The following TTC28 variants were observed in gnomAD, a reference collection of about 807,000 sequenced individuals.
TTC28 encodes tetratricopeptide repeat domain 28.
A neutral mutation model predicts 198.0 loss-of-function variants in TTC28; 61 were observed. The observed-to-expected ratio is 0.31, with a 90% confidence interval of 0.25 to 0.38. The LOEUF is 0.38. Ranked by LOEUF, TTC28 falls within the 10% of genes least tolerant of loss-of-function variation. TTC28 has a pLI of 1.00. For missense variants in TTC28, 2,678 were observed against 3,164.0 expected, an observed-to-expected ratio of 0.85 and a Z score of 3.69; for synonymous variants, 1,171 against 1,297.8, an observed-to-expected ratio of 0.90 and a Z score of 2.10.
At chr22:28,455,765 T>C (rs2047850419) in intron 2 of TTC28, among the ~76,000 whole-genome samples, 1 of 151,846 alleles carries the variant, frequency 6.6e-6, no homozygotes, top group African/African-American at 2.4e-5. Context: ...TTCATTGGGT[T>C]GATGAATTTG....
intron 2 of TTC28, among the ~76,000 whole-genome samples, chr22:28,504,978 G>A (rs1425188560): frequency 2.6e-5 from 4 of 151,786 alleles, no homozygotes; most frequent in Non-Finnish European, 4.4e-5. Context: ...ACTTTAGGCC[G>A]GGTGCCGTGA....
intron 6 of TTC28, among the ~76,000 whole-genome samples, chr22:28,117,006 C>G (rs1942651495): frequency 6.6e-6 from 1 of 152,190 alleles, no homozygotes; most frequent in Admixed American, 6.5e-5. Context: ...TCCCTGCTAT[C>G]TGGATCTCTT....
At chr22:28,209,508 G>A (rs1316081068) in intron 5 of TTC28, among the ~76,000 whole-genome samples, 1 of 152,204 alleles carries the variant, frequency 6.6e-6, no homozygotes, top group Non-Finnish European at 1.5e-5. Context: ...CTGGATCAGA[G>A]GGTCCCACGC....
At chr22:28,330,893 T>C (rs761699004) in intron 2 of TTC28, among the ~76,000 whole-genome samples, 1 of 152,218 alleles carries the variant, frequency 6.6e-6, no homozygotes, top group Non-Finnish European at 1.5e-5. Flanking sequence ...CTTCCCCAGC[T>C]TACAAAGGAA....
In TTC28 at chr22:28,011,604, A is replaced by G. The variant is rs541358172; in HGVS notation, c.4218+2644T>C. Among the ~76,000 whole-genome samples the G allele has an allele frequency of 7.2e-5, 11 of 152,222 alleles. 1 individual carries two copies. The South Asian group carries it at 1.7e-3, about 23-fold the overall frequency. On this transcript the variant is annotated intron_variant, in intron 14 of 22. Coordinates refer to ENST00000397906, the MANE Select transcript of TTC28 (RefSeq NM_001145418.2). The stretch of plus-strand genomic sequence containing the variant: ...GAGCAAGACTCTGTCTTAAAAATAT[A>G]TATGTATTTTTTCAATCCATGGTTG...
At chr22:28,007,955 A>G (rs941362439) in intron 14 of TTC28, 1 of 144,888 alleles carries the variant, frequency 6.9e-6, no homozygotes, top group Non-Finnish European at 1.6e-5. Context: ...TCATTTGAAT[A>G]TCACTACAGA....
chr22:28,197,521 T>TAC (rs1925495963), intron 5 of TTC28, among the ~76,000 whole-genome samples: 1 of 152,058 alleles, frequency 6.6e-6, no homozygotes, highest in Non-Finnish European at 1.5e-5. Context: ...TGTAAGTGAT[T>TAC]ACTTCATCTC....
At chr22:28,609,606 A>T (rs2050786169) in intron 2 of TTC28, among the ~76,000 whole-genome samples, 2 of 152,116 alleles carry the variant, frequency 1.3e-5, no homozygotes, top group Admixed American at 1.3e-4. Context: ...TCCGATGCCT[A>T]TGCCACCAGG....
chr22:28,597,138 ATTAG>A (rs2050555352), intron 2 of TTC28, among the ~76,000 whole-genome samples: 1 of 152,172 alleles, frequency 6.6e-6, no homozygotes, highest in South Asian at 2.1e-4. Flanking sequence ...CATTTGTTGT[ATTAG>A]TTTGTGCATT....
chr22:27,983,708 A>T lies in TTC28; in HGVS notation c.5959T>A (p.Ser1987Thr). ...AGACTGTACACAGAGATGGCATCTG[A>T]GGCGATGCTGTCCGCACCGGTGGGA... ...FSPTGADSIA[S>T]DAISVYSLSS... The change falls in exon 23 of 23, where the codon TCA (serine) becomes ACA (threonine). Residue 1987 changes from serine to threonine, a missense_variant. Ser to Thr is a moderately conservative substitution (Grantham distance 58). This residue lies in a region of TTC28 where 622 missense variants were observed against 656.0 expected (regional missense o/e 0.95). Transcript: ENST00000397906. 6.4e-7 allele frequency: 1 copy of T among 1,550,938 alleles called. No homozygotes were observed. The highest frequency in any genetic ancestry group is 8.7e-7 in the Non-Finnish European group (1 of 1,146,702).
intron 5 of TTC28, among the ~76,000 whole-genome samples, chr22:28,243,417 T>C (rs1929834627): frequency 6.7e-6 from 1 of 150,112 alleles, no homozygotes; most frequent in Non-Finnish European, 1.5e-5. Flanking sequence ...GGCTCTTTTT[T>C]TTCCCTTTTT....
At chr22:28,506,946 A>G (rs1051028351) in intron 2 of TTC28, among the ~76,000 whole-genome samples, 2 of 152,248 alleles carry the variant, frequency 1.3e-5, no homozygotes, top group African/African-American at 4.8e-5. Flanking sequence ...AAACCCACAA[A>G]GATGAGAAAG....
At chr22:28,218,521 A>G (rs559627504) in intron 5 of TTC28, among the ~76,000 whole-genome samples, 2 of 152,064 alleles carry the variant, frequency 1.3e-5, no homozygotes, top group African/African-American at 4.8e-5. Context: ...AATTTCTCCA[A>G]ATATTAAGTC....
At chr22:28,610,970 TCA>T (rs1485660314) in intron 2 of TTC28, among the ~76,000 whole-genome samples, 1 of 151,422 alleles carries the variant, frequency 6.6e-6, no homozygotes, top group Non-Finnish European at 1.5e-5. Flanking sequence ...AGAAAAAATA[TCA>T]GAGATGGAAG....
Position 27,983,517 on chromosome 22 carries a change from G to T in TTC28, c.6150C>A (p.Asn2050Lys), listed in dbSNP as rs750841575. ...ACCCTTCATATTCTTCTTCATCTTT[G>T]TTGCCTGCAGGGCGGGTCTGGGGAG... The part of the protein sequence containing the change: ...QLPPQTRPAG[N>K]KDEEEYEGFS... The change falls in exon 23 of 23, where the codon AAC (asparagine) becomes AAA (lysine). Residue 2050 changes from asparagine (N) to lysine (K), a missense_variant. Around this residue, in one of 8 missense-constraint regions of TTC28, gnomAD observed 622 missense variants for 656.0 expected, o/e 0.95. Coordinates refer to ENST00000397906, the MANE Select transcript of TTC28 (RefSeq NM_001145418.2). The T allele has an allele frequency of 4.5e-6, 7 of 1,549,708 alleles. No homozygotes were observed. In the South Asian group the frequency reaches 4.8e-5, roughly 11 times the overall value.
intron 2 of TTC28, among the ~76,000 whole-genome samples, chr22:28,589,888 A>G (rs1339511812): frequency 1.3e-5 from 2 of 151,628 alleles, no homozygotes; most frequent in African/African-American, 4.8e-5. Context: ...AAATACAAAA[A>G]TTAACTGGGC....
At chr22:28,045,706 G>A (rs537852032) in intron 12 of TTC28, among the ~76,000 whole-genome samples, 1 of 152,338 alleles carries the variant, frequency 6.6e-6, no homozygotes, top group African/African-American at 2.4e-5. Context: ...ACTCATGCCT[G>A]TAATCCCAGC....
Position 28,343,425 on chromosome 22 carries a change from G to A in TTC28, c.382-36782C>T, listed in dbSNP as rs553840267. On this transcript the variant is annotated intron_variant, in intron 2 of 22. Coordinates refer to ENST00000397906, the MANE Select transcript of TTC28 (RefSeq NM_001145418.2). ...GGTGCCTGTAATCCCAGCCACTTGG[G>A]AGGCTGAGACAGGAGAATCACTTGA... Among the ~76,000 whole-genome samples the A allele has an allele frequency of 2.0e-4, 30 of 151,928 alleles. No homozygotes were observed. The South Asian group carries it at 5.4e-3, about 27-fold the overall frequency.
chr22:28,069,741 T>C (rs1254781751), intron 12 of TTC28, among the ~76,000 whole-genome samples: 2 of 152,112 alleles, frequency 1.3e-5, no homozygotes, highest in Admixed American at 6.6e-5. Flanking sequence ...ATTAATTATC[T>C]ATCCCTTTTC....
Sources: allele counts gnomAD v4.1 joint callset (sites outside exome capture counted in the v4.1 genomes callset), GRCh38; gene constraint gnomAD v4.1.1; regional missense constraint gnomAD v4.1.1; transcripts MANE v1.5; gene names NCBI Gene and HGNC (gene_info 2026-07-23, HGNC 2026-07-21).